CFAP46: variants seen among roughly 807,000 people sequenced by gnomAD.
The protein encoded by CFAP46 is cilia- and flagella-associated protein 46.
Under a neutral mutation model 325.7 loss-of-function variants are expected in CFAP46, and 245 were observed. The ratio of observed to expected loss-of-function variants is 0.75; its 90% CI spans 0.68 to 0.84. The LOEUF (loss-of-function observed/expected upper bound fraction) is 0.84, where lower values mean the gene tolerates loss of function less well. Ranked by LOEUF, CFAP46 falls within the 40% of genes least tolerant of loss-of-function variation. CFAP46 has a pLI of 0.00. For missense variants in CFAP46, 3,346 were observed against 3,543.0 expected (o/e 0.94, Z 1.41); for synonymous variants, 1,523 against 1,495.9 (o/e 1.02, Z -0.42).
At chr10:132,843,821 TGCTGTGGG>T (rs1484501714) in intron 44 of CFAP46, among the ~76,000 whole-genome samples, 2 of 82,400 alleles carry the variant, frequency 2.4e-5, no homozygotes, top group African/African-American at 9.8e-5. Context: ...GTTCCCAGGG[TGCTGTGGG>T]GCTGTGGTCT....
intron 41 of CFAP46, among the ~76,000 whole-genome samples, chr10:132,848,671 C>T (rs1848482960): frequency 6.6e-6 from 1 of 152,198 alleles, no homozygotes; most frequent in South Asian, 2.1e-4. Context: ...ACAAGAACAG[C>T]GAAAGAGACC....
chr10:132,842,355 A>G (rs901692113), intron 44 of CFAP46, among the ~76,000 whole-genome samples: 15 of 152,320 alleles, frequency 9.8e-5, no homozygotes, highest in Admixed American at 2.6e-4. Context: ...TCCATCTGAA[A>G]TCTCATCAGA....
intron 11 of CFAP46, among the ~76,000 whole-genome samples, chr10:132,923,106 C>T (rs554620421): frequency 5.7e-4 from 87 of 152,318 alleles, no homozygotes; most frequent in African/African-American, 1.8e-3. Flanking sequence ...AAGGGCCGTG[C>T]GGAGCAGCCC....
At chr10:132,836,105 C>G in intron 46 of CFAP46, 37 bp downstream of exon 46, 1 of 1,568,394 alleles carries the variant, frequency 6.4e-7, no homozygotes, top group South Asian at 1.1e-5. Flanking sequence ...CTCCGCCTGC[C>G]CTGCTCCCCC....
In CFAP46 at chr10:132,886,954, T is replaced by C. The variant is rs2135404708; in HGVS notation, c.3305-995A>G. Reference sequence around the variant, plus strand: ...ACGGTAATTCCCACACCCTCCCAGCTCTTTCAGAGGTCAGTGAAGGATCTG... The same window carrying C: ...ACGGTAATTCCCACACCCTCCCAGCCCTTTCAGAGGTCAGTGAAGGATCTG... On this transcript the variant is annotated intron_variant, in intron 25 of 57. Coordinates refer to ENST00000368586, the MANE Select transcript of CFAP46 (RefSeq NM_001200049.3). This position sits in a 1 kb window ranked among gnomAD's most constrained non-coding sequence, Gnocchi z 5.8. 6.6e-6 allele frequency among the ~76,000 whole-genome samples: 1 copy of C among 152,034 alleles called. No homozygotes were observed. The highest frequency in any genetic ancestry group is 1.9e-4 in the East Asian group (1 of 5,184).
intron 22 of CFAP46, among the ~76,000 whole-genome samples, chr10:132,904,186 G>A (rs1052229427): frequency 6.6e-6 from 1 of 152,256 alleles, no homozygotes; most frequent in African/African-American, 2.4e-5. Context: ...TACAAAGGCT[G>A]GTCGTCTGCT....
At chr10:132,912,973 G>C (rs1328665783) in intron 18 of CFAP46, 73 bp downstream of exon 18, 10 of 1,510,664 alleles carry the variant, frequency 6.6e-6, no homozygotes, top group Non-Finnish European at 6.2e-6. Context: ...GAGTGCAGCT[G>C]CCTGCCTTTG....
intron 8 of CFAP46, among the ~76,000 whole-genome samples, chr10:132,933,260 A>T (rs1024258871): frequency 2.0e-5 from 3 of 149,710 alleles, no homozygotes; most frequent in African/African-American, 7.7e-5. Flanking sequence ...CAGGCCTGGC[A>T]TCACAACACT....
At chr10:132,851,065 G>T in intron 40 of CFAP46, 52 bp downstream of exon 40, 1 of 1,603,036 alleles carries the variant, frequency 6.2e-7, no homozygotes, top group East Asian at 2.2e-5. Flanking sequence ...CCCATCAGCT[G>T]CACTGTGGCC....
intron 44 of CFAP46, among the ~76,000 whole-genome samples, chr10:132,842,615 C>T (rs1848363228): frequency 6.6e-6 from 1 of 152,244 alleles, no homozygotes; most frequent in East Asian, 1.9e-4. Context: ...CACCCCACTC[C>T]TGGTACCAAT....
chr10:132,833,437 G>C lies in CFAP46; in HGVS notation c.7038C>G (p.Phe2346Leu), dbSNP rs762707957. 2.2e-5 allele frequency: 35 copies of C among 1,614,020 alleles called. 1 individual carries two copies. The South Asian group carries it at 3.5e-4, about 16-fold the overall frequency. ...LELPLEGLSV[F>L]DEGTISSVSR... The stretch of plus-strand genomic sequence containing the variant: ...ACACAGAGGAAATTGTCCCTTCATC[G>C]AACACAGAGAGACCTTCCAGTGGCA... The change falls in exon 50 of 58, where the codon TTC becomes TTG. Residue 2346 changes from phenylalanine to leucine, a missense_variant. Transcript: ENST00000368586.
rs144500993 is a variant in CFAP46 at position 132,828,674 on chromosome 10, C to T, written c.7117+4684G>A. Among the ~76,000 whole-genome samples, 51 of 152,228 alleles carry T rather than the reference C, an allele frequency of 3.4e-4. No homozygotes were observed. In the East Asian group the frequency reaches 6.0e-3, roughly 18 times the overall value. Reference sequence around the variant, plus strand: ...GAGTGGAAATTCTTAAATTTGCTGACGGTCATAAAGATTTTCTTCAGTGCT... The same window carrying T: ...GAGTGGAAATTCTTAAATTTGCTGATGGTCATAAAGATTTTCTTCAGTGCT... On this transcript the variant is annotated intron_variant, in intron 50 of 57. Coordinates refer to ENST00000368586, the MANE Select transcript of CFAP46 (RefSeq NM_001200049.3). This position sits in a 1 kb window ranked among gnomAD's most constrained non-coding sequence, Gnocchi z 4.9.
chr10:132,900,839 C>T (rs1849383066), intron 22 of CFAP46, among the ~76,000 whole-genome samples: 1 of 152,242 alleles, frequency 6.6e-6, no homozygotes, highest in African/African-American at 2.4e-5. Flanking sequence ...CTACTTTGTT[C>T]TGTCAGCTGC....
intron 2 of CFAP46, 39 bp from the exon 3 acceptor site, chr10:132,941,761 A>G: frequency 6.2e-7 from 1 of 1,611,588 alleles, no homozygotes; most frequent in Non-Finnish European, 8.5e-7. Context: ...ACAGACCCGG[A>G]GGGGTGGCCT....
intron 44 of CFAP46, among the ~76,000 whole-genome samples, chr10:132,844,809 G>T (rs1344000848): frequency 6.6e-6 from 1 of 152,208 alleles, no homozygotes; most frequent in Non-Finnish European, 1.5e-5. Flanking sequence ...CAGCCTGGCT[G>T]CTTGCTCCTC....
At chr10:132,899,779 C>G in intron 22 of CFAP46, 113 bp from the exon 23 acceptor site, 1 of 1,242,554 alleles carries the variant, frequency 8.0e-7, no homozygotes, top group African/African-American at 1.5e-5. Flanking sequence ...TAAGATGGGG[C>G]ACCTCCTGGC....
At chr10:132,868,247 T>C (rs188417642) in intron 33 of CFAP46, among the ~76,000 whole-genome samples, 255 of 152,066 alleles carry the variant, frequency 1.7e-3, no homozygotes, top group African/African-American at 5.2e-3. Context: ...CACATCGCGT[T>C]GGCCTCTGCC....
At chr10:132,830,656 T>C (rs11817093) in intron 50 of CFAP46, among the ~76,000 whole-genome samples, 51,414 of 152,080 alleles carry the variant, frequency 0.34, 9,929 homozygotes, top group Admixed American at 0.51. Context: ...ATGCTGCCTC[T>C]ATCATTTTTG....
At chr10:132,836,073 C>G (rs1848240432) in intron 46 of CFAP46, 69 bp downstream of exon 46, 3 of 1,175,318 alleles carry the variant, frequency 2.6e-6, no homozygotes, top group Non-Finnish European at 3.5e-6. Context: ...CAGCCCTGCT[C>G]ACCTCCCCAC....
Sources: allele counts gnomAD v4.1 joint callset (sites outside exome capture counted in the v4.1 genomes callset), GRCh38; gene constraint gnomAD v4.1.1; non-coding constraint Gnocchi (gnomAD v3.1); transcripts MANE v1.5; gene names NCBI Gene and HGNC (gene_info 2026-07-23, HGNC 2026-07-21).